The following SAMMSON variants were observed in gnomAD, a reference collection of about 807,000 sequenced individuals.
The protein encoded by SAMMSON is long intergenic non-protein coding RNA 1212.
chr3:70,283,125 A>T (rs1328276374), intron 6 of SAMMSON, among the ~76,000 whole-genome samples: 9 of 152,146 alleles, frequency 5.9e-5, no homozygotes, highest in Non-Finnish European at 1.3e-4. Flanking sequence ...AAGAAAATGC[A>T]TTTATCTTGA....
At chr3:70,325,332 C>T (rs949737769) in intron 7 of SAMMSON, among the ~76,000 whole-genome samples, 4 of 152,070 alleles carry the variant, frequency 2.6e-5, no homozygotes, top group Non-Finnish European at 4.4e-5. Context: ...TAAGTATGTA[C>T]GTGTATTTCA....
chr3:70,021,119 G>C (rs2067011504), intron 3 of SAMMSON, among the ~76,000 whole-genome samples: 1 of 152,134 alleles, frequency 6.6e-6, no homozygotes. Context: ...GGCTGTTCAT[G>C]GAAAACATTC....
chr3:70,146,323 C>T (rs2106684238), intron 4 of SAMMSON, among the ~76,000 whole-genome samples: 1 of 152,076 alleles, frequency 6.6e-6, no homozygotes, highest in African/African-American at 2.4e-5. Context: ...TGTTTTATGA[C>T]ACCAGAATAC....
chr3:70,348,803 G>GT (rs1333212360), intron 7 of SAMMSON, among the ~76,000 whole-genome samples: 4 of 151,854 alleles, frequency 2.6e-5, no homozygotes, highest in Non-Finnish European at 4.4e-5. Flanking sequence ...AAAGAACTGT[G>GT]TTTTTTTTCC....
chr3:70,020,721 A>T (rs1367851778), intron 3 of SAMMSON, among the ~76,000 whole-genome samples: 1 of 152,122 alleles, frequency 6.6e-6, no homozygotes, highest in African/African-American at 2.4e-5. Context: ...AATTAATAAT[A>T]ATAATGATAA....
intron 4 of SAMMSON, among the ~76,000 whole-genome samples, chr3:70,231,790 G>C (rs1392164162): frequency 6.6e-6 from 1 of 152,144 alleles, no homozygotes; most frequent in Admixed American, 6.5e-5. Flanking sequence ...CTACTAATTA[G>C]GTGGCAATGA....
chr3:70,055,083 G>A (rs1414539968), intron 3 of SAMMSON, among the ~76,000 whole-genome samples: 2 of 151,926 alleles, frequency 1.3e-5, no homozygotes, highest in Non-Finnish European at 2.9e-5. Flanking sequence ...TTATATTTTA[G>A]AAATATTAAC....
chr3:70,170,185 A>C (rs1427239677), intron 4 of SAMMSON, among the ~76,000 whole-genome samples: 3 of 151,982 alleles, frequency 2.0e-5, no homozygotes, highest in African/African-American at 7.2e-5. Flanking sequence ...TTTTGGACAG[A>C]GAAACTTGAA....
At chr3:70,216,937 C>G (rs920404361) in intron 4 of SAMMSON, among the ~76,000 whole-genome samples, 1 of 152,118 alleles carries the variant, frequency 6.6e-6, no homozygotes, top group African/African-American at 2.4e-5. Flanking sequence ...CCACCAAAAC[C>G]CATAAAAAAT....
chr3:70,412,554 A>G (rs1371307833), intron 2 of SAMMSON, among the ~76,000 whole-genome samples: 1 of 152,222 alleles, frequency 6.6e-6, no homozygotes, highest in African/African-American at 2.4e-5. Flanking sequence ...AAGTTGAAGT[A>G]TAAGTAAGTC....
chr3:70,358,619 T>C (rs994188801), intron 9 of SAMMSON, among the ~76,000 whole-genome samples: 2 of 152,160 alleles, frequency 1.3e-5, no homozygotes, highest in Non-Finnish European at 2.9e-5. Context: ...AAATGAGCAT[T>C]CTGTGGATTG....
chr3:70,310,690 T>C (rs924698348), intron 7 of SAMMSON, among the ~76,000 whole-genome samples: 15 of 152,046 alleles, frequency 9.9e-5, no homozygotes, highest in Middle Eastern at 3.2e-3. Context: ...AAATTAGGGT[T>C]GGGGGTAGGG....
intron 9 of SAMMSON, among the ~76,000 whole-genome samples, chr3:70,375,302 G>A (rs1435521309): frequency 1.3e-5 from 2 of 151,244 alleles, no homozygotes; most frequent in Non-Finnish European, 2.9e-5. Context: ...GCTTCATCAC[G>A]TTTTTCAAAC....
intron 7 of SAMMSON, among the ~76,000 whole-genome samples, chr3:70,303,343 T>G (rs1014354002): frequency 6.6e-6 from 1 of 152,140 alleles, no homozygotes; most frequent in African/African-American, 2.4e-5. Context: ...GGAGTCAGAC[T>G]CATGGCCAAA....
At chr3:70,360,571 T>G (rs1702863938) in intron 9 of SAMMSON, among the ~76,000 whole-genome samples, 1 of 152,160 alleles carries the variant, frequency 6.6e-6, no homozygotes, top group Admixed American at 6.6e-5. Context: ...CCTACAGCTA[T>G]CATATTTCTT....
chr3:70,385,921 T>C (rs1703120102), intron 9 of SAMMSON, among the ~76,000 whole-genome samples: 1 of 152,086 alleles, frequency 6.6e-6, no homozygotes, highest in African/African-American at 2.4e-5. Context: ...TTAATATCTC[T>C]TTCCAACAGT....
intron 6 of SAMMSON, among the ~76,000 whole-genome samples, chr3:70,287,267 AG>A (rs1336788989): frequency 1.4e-5 from 2 of 140,676 alleles, no homozygotes; most frequent in African/African-American, 5.5e-5. Context: ...TTTAGCATGA[AG>A]GGTTGTTGAA....
chr3:70,353,877 A>G (rs1195558156), intron 7 of SAMMSON, among the ~76,000 whole-genome samples: 1 of 152,236 alleles, frequency 6.6e-6, no homozygotes, highest in African/African-American at 2.4e-5. Flanking sequence ...TCCCTGGAAT[A>G]CAACTCAACA....
intron 7 of SAMMSON, among the ~76,000 whole-genome samples, chr3:70,343,167 CCTA>C (rs1341636938): frequency 1.3e-5 from 2 of 151,948 alleles, no homozygotes. Context: ...CTCGATTTTC[CCTA>C]CTATTAAAAT....
Sources: allele counts gnomAD v4.1 joint callset (sites outside exome capture counted in the v4.1 genomes callset), GRCh38; gene constraint gnomAD v4.1.1; transcripts MANE v1.5; gene names NCBI Gene and HGNC (gene_info 2026-07-23, HGNC 2026-07-21).